CPA6: variants seen among roughly 807,000 people sequenced by gnomAD.
The protein encoded by CPA6 is carboxypeptidase B.
A neutral mutation model predicts 63.3 loss-of-function variants in CPA6; 58 were observed. That is an observed-to-expected ratio of 0.92 (90% CI 0.74 to 1.14). The LOEUF is 1.14. Among genes scored for constraint, CPA6 ranks in the 50% most tolerant of loss-of-function variants. CPA6 has a pLI of 0.00. For synonymous variants in CPA6, 185 were observed against 179.0 expected (o/e 1.03, Z -0.27); for missense variants, 565 against 526.6 (o/e 1.07, Z -0.71).
At chr8:67,431,824 A>G (rs1467673362) in intron 9 of CPA6, among the ~76,000 whole-genome samples, 1 of 152,162 alleles carries the variant, frequency 6.6e-6, no homozygotes, top group African/African-American at 2.4e-5. Flanking sequence ...CAAGAACAAA[A>G]TTCTCTTTTT....
chr8:67,630,362 C>CT (rs1815296410), intron 1 of CPA6, among the ~76,000 whole-genome samples: 1 of 152,024 alleles, frequency 6.6e-6, no homozygotes, highest in African/African-American at 2.4e-5. Flanking sequence ...TGGGGGGAAA[C>CT]TGAGTACCTA....
At chr8:67,546,016 C>T (rs1812811494) in intron 2 of CPA6, among the ~76,000 whole-genome samples, 1 of 152,162 alleles carries the variant, frequency 6.6e-6, no homozygotes. Flanking sequence ...ACAGACTCAT[C>T]CCCCTCTGCC....
chr8:67,509,583 G>T lies in CPA6; in HGVS notation c.468C>A (p.His156Gln). 1 of 1,598,390 alleles carries T rather than the reference G, an allele frequency of 6.3e-7. No homozygotes were observed. Among genetic ancestry groups the T allele is most frequent in the South Asian group, 1.1e-5 (1 of 88,954 alleles). Residue 156 changes from histidine to glutamine, a missense_variant, in exon 5 of 11, where the codon CAC becomes CAA. By Grantham distance (24) the His-to-Gln change is conservative. Coordinates refer to ENST00000297770, the MANE Select transcript of CPA6 (RefSeq NM_020361.5). ...TAGAGAACATGTGAATGAGGCCTGA[G>T]TGAGTTTTATTCAGATGATGCATCC... is the stretch of plus-strand genomic sequence containing the variant. Reference protein sequence around the residue: ...QNWMHHLNKTHSGLIHMFSIG... With the variant: ...QNWMHHLNKTQSGLIHMFSIG...
At chr8:67,556,756 T>C (rs143274250) in intron 2 of CPA6, among the ~76,000 whole-genome samples, 2 of 152,382 alleles carry the variant, frequency 1.3e-5, no homozygotes, top group African/African-American at 4.8e-5. Flanking sequence ...AGGGACTATT[T>C]GTGAATGTCA....
chr8:67,609,593 C>G (rs552333103), intron 2 of CPA6, among the ~76,000 whole-genome samples: 1 of 152,136 alleles, frequency 6.6e-6, no homozygotes, highest in East Asian at 1.9e-4. Context: ...ATTAGGTAAC[C>G]CCGAGAGATT....
intron 1 of CPA6, among the ~76,000 whole-genome samples, chr8:67,722,808 G>T (rs894975882): frequency 2.0e-5 from 3 of 151,980 alleles, no homozygotes; most frequent in Middle Eastern, 3.4e-3. Flanking sequence ...TGGAACCCAG[G>T]TTTCTTCTTA....
At chr8:67,435,185 G>T (rs1810122113) in intron 8 of CPA6, among the ~76,000 whole-genome samples, 1 of 152,208 alleles carries the variant, frequency 6.6e-6, no homozygotes, top group Non-Finnish European at 1.5e-5. Flanking sequence ...AAGAAGTAGG[G>T]GGTTGGTTGG....
intron 5 of CPA6, among the ~76,000 whole-genome samples, chr8:67,508,082 G>GGCA (rs1368057884): frequency 6.7e-6 from 1 of 149,922 alleles, no homozygotes; most frequent in Non-Finnish European, 1.5e-5. Flanking sequence ...GGCTCATATT[G>GGCA]GCAGCAGTGT....
intron 2 of CPA6, among the ~76,000 whole-genome samples, chr8:67,593,644 CTTCT>C (rs1481413074): frequency 2.6e-5 from 4 of 152,004 alleles, no homozygotes. Flanking sequence ...ATGTAATGGC[CTTCT>C]TTGTCTCTTT....
At chr8:67,685,426 G>A (rs1816690435) in intron 1 of CPA6, among the ~76,000 whole-genome samples, 2 of 152,052 alleles carry the variant, frequency 1.3e-5, no homozygotes. Context: ...GACCATCCTG[G>A]CTAACATGGT....
At chr8:67,741,995 C>T (rs759782164) in intron 1 of CPA6, among the ~76,000 whole-genome samples, 3 of 152,090 alleles carry the variant, frequency 2.0e-5, no homozygotes, top group Non-Finnish European at 2.9e-5. Flanking sequence ...GATGTGTAGG[C>T]AATTTTCTCT....
chr8:67,616,527 GTGTGT>G (rs1439044513), intron 2 of CPA6, among the ~76,000 whole-genome samples: 1 of 151,114 alleles, frequency 6.6e-6, no homozygotes, highest in East Asian at 1.9e-4. Context: ...GTGTGTGTGT[GTGTGT>G]GTGTGTGTGT....
chr8:67,709,833 C>T (rs893174541), intron 1 of CPA6, among the ~76,000 whole-genome samples: 7 of 151,990 alleles, frequency 4.6e-5, no homozygotes, highest in Non-Finnish European at 7.4e-5. Context: ...TTTTCTGGCT[C>T]GGTGTGGTGG....
At chr8:67,448,669 A>G (rs943755477) in intron 8 of CPA6, among the ~76,000 whole-genome samples, 4 of 143,622 alleles carry the variant, frequency 2.8e-5, no homozygotes, top group Admixed American at 7.0e-5. Flanking sequence ...AGAACGAAAA[A>G]GAAAAAAAAA....
At chr8:67,593,471 T>C (rs936793417) in intron 2 of CPA6, among the ~76,000 whole-genome samples, 2 of 152,194 alleles carry the variant, frequency 1.3e-5, no homozygotes, top group South Asian at 2.1e-4. Context: ...ATCTGTCTAA[T>C]GTTGACAGTG....
intron 1 of CPA6, among the ~76,000 whole-genome samples, chr8:67,734,791 A>G (rs1291855446): frequency 1.3e-5 from 2 of 152,212 alleles, no homozygotes; most frequent in Non-Finnish European, 1.5e-5. Flanking sequence ...TAAGACCCCA[A>G]TCATCTCATT....
At chr8:67,595,911 G>A (rs1030613886) in intron 2 of CPA6, among the ~76,000 whole-genome samples, 1 of 152,146 alleles carries the variant, frequency 6.6e-6, no homozygotes, top group African/African-American at 2.4e-5. Flanking sequence ...CCACTGTCTG[G>A]CACTCCCCAG....
At chr8:67,662,580 TGTATATGTATATATAGAATACATACACAC>T (rs1816140996) in intron 1 of CPA6, among the ~76,000 whole-genome samples, 1 of 98,646 alleles carries the variant, frequency 1.0e-5, no homozygotes, top group African/African-American at 6.9e-5. Flanking sequence ...TACATACACA[TGTATATGTATATATAGAATACATACACAC>T]GTATATGTAT....
intron 2 of CPA6, among the ~76,000 whole-genome samples, chr8:67,614,435 T>C (rs1329153387): frequency 6.6e-6 from 1 of 152,180 alleles, no homozygotes; most frequent in East Asian, 1.9e-4. Context: ...ACTGTTTTTT[T>C]AAGTCTGTTT....
Sources: gnomAD v4.1 joint callset for allele counts (sites outside exome capture counted in the v4.1 genomes callset) on GRCh38, gnomAD v4.1.1 for gene constraint, MANE v1.5 for transcripts, NCBI Gene and HGNC (gene_info 2026-07-23, HGNC 2026-07-21) for gene names.